HS3ST3B1: variants seen among roughly 807,000 people sequenced by gnomAD.
HS3ST3B1 encodes heparan sulfate glucosamine 3-O-sulfotransferase 3B1.
Under a neutral mutation model 21.3 loss-of-function variants are expected in HS3ST3B1, and 13 were observed. That is an observed-to-expected ratio of 0.61 (90% CI 0.40 to 0.97). The LOEUF (loss-of-function observed/expected upper bound fraction) is 0.97, where lower values mean the gene tolerates loss of function less well. Among genes scored for constraint, HS3ST3B1 ranks in the 50% least tolerant of loss-of-function variants. The pLI, the probability that HS3ST3B1 is intolerant of heterozygous loss-of-function variation, is 0.00. For synonymous variants in HS3ST3B1, 234 were observed against 254.8 expected (o/e 0.92, Z 0.78); for missense variants, 459 against 554.8 (o/e 0.83, Z 1.73).
In HS3ST3B1 at chr17:14,338,301, A is replaced by AT. The variant is rs1257353045; in HGVS notation, c.555-6723dup. On this transcript the variant is annotated intron_variant, in intron 1 of 1. Coordinates refer to ENST00000360954, the MANE Select transcript of HS3ST3B1 (RefSeq NM_006041.3). ...CCGCCACGCCCGGCTAATTTTTTGT[A>AT]TTTTAGTAGAGATGGGGTTTCATCA... is the stretch of plus-strand genomic sequence containing the variant. 9.4e-5 allele frequency among the ~76,000 whole-genome samples: 14 copies of AT among 148,932 alleles called. No homozygotes were observed. The South Asian group carries it at 2.3e-3, about 25-fold the overall frequency.
In HS3ST3B1 at chr17:14,345,719, G is replaced by C; in HGVS notation, c.*73G>C. 6.7e-7 allele frequency: 1 copy of C among 1,502,120 alleles called. No homozygotes were observed. Among genetic ancestry groups the C allele is most frequent in the Non-Finnish European group, 8.9e-7 (1 of 1,120,592 alleles). The allele number at this position is 1,502,120 out of a possible 1,614,324, so 93.0% of individuals were successfully genotyped here. On this transcript the variant is annotated 3_prime_UTR_variant, in exon 2 of 2. Coordinates refer to ENST00000360954, the MANE Select transcript of HS3ST3B1 (RefSeq NM_006041.3). ...AGATTATATGTATGTAAAATGTACA[G>C]AAATCTATTTTATAATAATTTATTT...
intron 1 of HS3ST3B1, chr17:14,327,660 G>C (rs1412356528): frequency 4.6e-5 from 7 of 152,142 alleles, no homozygotes; most frequent in African/African-American, 1.4e-4. Context: ...AGTTGCCCTT[G>C]ATTCACCCCT....
rs528942770 is a variant in HS3ST3B1 at position 14,332,483 on chromosome 17, C to G, written c.555-12545C>G. ...CTTGGAAGCATCCTCTACCCTCCCCCATTCGCAGCTAACCTAAAAGTCTGC... is the reference window on the plus strand; with the variant it reads ...CTTGGAAGCATCCTCTACCCTCCCCGATTCGCAGCTAACCTAAAAGTCTGC... On this transcript the variant is annotated intron_variant, in intron 1 of 1. Coordinates refer to ENST00000360954, the MANE Select transcript of HS3ST3B1 (RefSeq NM_006041.3). Among the ~76,000 whole-genome samples the G allele has an allele frequency of 9.9e-5, 15 of 152,178 alleles. No homozygotes were observed. The East Asian group carries it at 2.9e-3, about 29-fold the overall frequency.
chr17:14,332,795 G>A (rs905741365), intron 1 of HS3ST3B1, among the ~76,000 whole-genome samples: 1 of 144,410 alleles, frequency 6.9e-6, no homozygotes, highest in South Asian at 2.3e-4. Context: ...CCTGATAACT[G>A]ATGGGCATCC....
chr17:14,308,581 G>A (rs1008409272), intron 1 of HS3ST3B1, among the ~76,000 whole-genome samples: 5 of 152,150 alleles, frequency 3.3e-5, no homozygotes, highest in African/African-American at 1.2e-4. Flanking sequence ...TTTAGAGCTG[G>A]TTAAAGAGTA....
At chr17:14,334,828 C>A (rs1910141149) in intron 1 of HS3ST3B1, among the ~76,000 whole-genome samples, 1 of 152,150 alleles carries the variant, frequency 6.6e-6, no homozygotes, top group Admixed American at 6.5e-5. Context: ...TTGAGTTTAG[C>A]TGCTGATGTT....
chr17:14,314,860 C>T (rs144097663), intron 1 of HS3ST3B1, among the ~76,000 whole-genome samples: 86 of 152,292 alleles, frequency 5.6e-4, no homozygotes, highest in African/African-American at 1.6e-3. Context: ...GTACGTTTCA[C>T]GATTAAATTT....
intron 1 of HS3ST3B1, among the ~76,000 whole-genome samples, chr17:14,344,423 G>A (rs922642385): frequency 6.6e-6 from 1 of 152,164 alleles, no homozygotes; most frequent in Non-Finnish European, 1.5e-5. Context: ...TGGCATGTTT[G>A]TATCAGTTTA....
chr17:14,312,563 G>C (rs186011025), intron 1 of HS3ST3B1, among the ~76,000 whole-genome samples: 1 of 151,938 alleles, frequency 6.6e-6, no homozygotes, highest in Admixed American at 6.6e-5. Context: ...GTTGATGGTG[G>C]CGGTCTTCAA....
At position 14,301,866 on chromosome 17, in the gene HS3ST3B1, C is replaced by G; in HGVS notation, c.348C>G (p.Pro116=). ...EGAASPEEQS[P]EVPDSPSPIS... ...CTGCGAGCCCGGAGGAGCAGAGTCC[C>G]GAGGTGCCGGACTCCCCAAGCCCCA... Residue 116 remains proline (P), a synonymous_variant, in exon 1 of 2, where the codon CCC becomes CCG. Transcript: ENST00000360954. 6.2e-7 allele frequency: 1 copy of G among 1,601,910 alleles called. No homozygotes were observed. Among genetic ancestry groups the G allele is most frequent in the Non-Finnish European group, 8.5e-7 (1 of 1,175,472 alleles).
intron 1 of HS3ST3B1, among the ~76,000 whole-genome samples, chr17:14,343,241 C>CAAAAA (rs538774953): frequency 8.7e-6 from 1 of 115,026 alleles, no homozygotes; most frequent in South Asian, 2.9e-4. Context: ...GACTCTGTCT[C>CAAAAA]AAAAAAAAAA....
chr17:14,314,355 T>C (rs1281342605), intron 1 of HS3ST3B1, among the ~76,000 whole-genome samples: 1 of 152,154 alleles, frequency 6.6e-6, no homozygotes, highest in East Asian at 1.9e-4. Context: ...CTGACACTTT[T>C]CACAAGGCAA....
At chr17:14,336,133 A>T (rs1454194059) in intron 1 of HS3ST3B1, among the ~76,000 whole-genome samples, 1 of 152,172 alleles carries the variant, frequency 6.6e-6, no homozygotes, top group African/African-American at 2.4e-5. Context: ...ATTGACTTGG[A>T]AGACTGGGCC....
At chr17:14,330,154 A>G (rs1909962459) in intron 1 of HS3ST3B1, among the ~76,000 whole-genome samples, 1 of 152,244 alleles carries the variant, frequency 6.6e-6, no homozygotes, top group Admixed American at 6.5e-5. Flanking sequence ...GACATTGAGC[A>G]TCATCTGATG....
intron 1 of HS3ST3B1, among the ~76,000 whole-genome samples, chr17:14,305,801 G>A (rs188057047): frequency 6.6e-6 from 1 of 152,242 alleles, no homozygotes; most frequent in East Asian, 1.9e-4. Context: ...CTTACCGAAT[G>A]TTTTCCCTAT....
At chr17:14,334,281 T>TA (rs1307357421) in intron 1 of HS3ST3B1, among the ~76,000 whole-genome samples, 7 of 151,876 alleles carry the variant, frequency 4.6e-5, no homozygotes, top group African/African-American at 7.2e-5. Context: ...TTTTTTTTTT[T>TA]AAATTGACTT....
chr17:14,310,442 A>G (rs975802041), intron 1 of HS3ST3B1, among the ~76,000 whole-genome samples: 5 of 152,202 alleles, frequency 3.3e-5, no homozygotes, highest in African/African-American at 1.2e-4. Flanking sequence ...CCGTGGTGCC[A>G]ACAACTCTTG....
chr17:14,304,676 C>A (rs1412766430), intron 1 of HS3ST3B1: 1 of 152,166 alleles, frequency 6.6e-6, no homozygotes, highest in African/African-American at 2.4e-5. Flanking sequence ...CTCCATTGTA[C>A]CTCCGCTCTG....
chr17:14,317,312 C>G (rs1383651752), intron 1 of HS3ST3B1, among the ~76,000 whole-genome samples: 9 of 152,174 alleles, frequency 5.9e-5, no homozygotes. Context: ...TCTTGTCTAC[C>G]ATTCATTCAT....
Sources: allele counts gnomAD v4.1 joint callset (sites outside exome capture counted in the v4.1 genomes callset), GRCh38; gene constraint gnomAD v4.1.1; transcripts MANE v1.5; gene names NCBI Gene and HGNC (gene_info 2026-07-23, HGNC 2026-07-21).